Variants in CYB5A observed in about 807,000 individuals in gnomAD.
CYB5A encodes the protein cytochrome b5.
In CYB5A, 10 loss-of-function variants were observed where a neutral mutation model predicts 16.2. The ratio of observed to expected loss-of-function variants is 0.62; its 90% CI spans 0.38 to 1.04. The LOEUF (loss-of-function observed/expected upper bound fraction) is 1.04. Among genes scored for constraint, CYB5A ranks in the 50% least tolerant of loss-of-function variants. CYB5A has a pLI of 0.01. For synonymous variants in CYB5A, 62 were observed against 57.0 expected (o/e 1.09, Z -0.40); for missense variants, 161 against 165.9 (o/e 0.97, Z 0.16).
intron 1 of CYB5A, 131 bp from the exon 2 acceptor site, chr18:74,263,608 C>T (rs1464765071): frequency 8.8e-6 from 7 of 797,406 alleles, no homozygotes; most frequent in South Asian, 5.7e-5. Flanking sequence ...ACTAACTTGT[C>T]CATAAATGTG....
intron 1 of CYB5A, among the ~76,000 whole-genome samples, chr18:74,266,626 C>T (rs1982445146): frequency 6.6e-6 from 1 of 151,904 alleles, no homozygotes; most frequent in South Asian, 2.1e-4. Context: ...AACAGAAGTA[C>T]AACAGGGCAA....
At chr18:74,276,884 T>C (rs1982903662) in intron 1 of CYB5A, among the ~76,000 whole-genome samples, 1 of 152,178 alleles carries the variant, frequency 6.6e-6, no homozygotes, top group African/African-American at 2.4e-5. Flanking sequence ...AATTAATTAG[T>C]AGACTCCTTG....
Position 74,288,169 on chromosome 18 carries a change from C to T in CYB5A, c.129+3578G>A, listed in dbSNP as rs114191460. Among the ~76,000 whole-genome samples, 436 of 152,324 alleles carry T rather than the reference C, an allele frequency of 2.9e-3. 4 individuals are homozygous for T. Among genetic ancestry groups the T allele is most frequent in the African/African-American group, 9.7e-3 (403 of 41,570 alleles). ...TAAACAACAAAAACAGCTTTAGTGG[C>T]CATTATTTCAGGAGGTCGGAGCACA... On this transcript the variant is annotated intron_variant, in intron 1 of 4. Transcript: ENST00000340533.
chr18:74,270,491 G>GT (rs1292972962), intron 1 of CYB5A, among the ~76,000 whole-genome samples: 2 of 152,066 alleles, frequency 1.3e-5, no homozygotes. Flanking sequence ...CTTTACTGCT[G>GT]TATTTCCCTC....
At chr18:74,286,689 A>T (rs1475241074) in intron 1 of CYB5A, among the ~76,000 whole-genome samples, 1 of 152,212 alleles carries the variant, frequency 6.6e-6, no homozygotes, top group African/African-American at 2.4e-5. Flanking sequence ...TTTCCCATGA[A>T]TGCCCAGCGG....
intron 1 of CYB5A, among the ~76,000 whole-genome samples, chr18:74,271,756 T>A (rs1392856434): frequency 6.6e-6 from 1 of 152,306 alleles, no homozygotes; most frequent in East Asian, 1.9e-4. Context: ...GTAGTTACCT[T>A]GTGTGCAAAC....
chr18:74,272,809 C>T (rs1982721085), intron 1 of CYB5A, among the ~76,000 whole-genome samples: 1 of 150,610 alleles, frequency 6.6e-6, no homozygotes, highest in Non-Finnish European at 1.5e-5. Flanking sequence ...GTATCCTCAG[C>T]TACTTGGGAG....
chr18:74,263,621 T>C, intron 1 of CYB5A, 144 bp from the exon 2 acceptor site: 2 of 749,494 alleles, frequency 2.7e-6, no homozygotes, highest in Admixed American at 4.1e-5. Context: ...TAAATGTGGA[T>C]TAAAACAACA....
chr18:74,270,414 C>T (rs1410926404), intron 1 of CYB5A, among the ~76,000 whole-genome samples: 1 of 152,096 alleles, frequency 6.6e-6, no homozygotes, highest in African/African-American at 2.4e-5. Context: ...AGCAAGACCC[C>T]ATCATTCATT....
At position 74,282,414 on chromosome 18, in the gene CYB5A, G is replaced by GA. The variant is rs963192878; in HGVS notation, c.129+9332dup. ...TATGCACTGTGTATGGAAAAAGGGG[G>GA]AAAAAAATAAGATAGTCACAGAGCA... On this transcript the variant is annotated intron_variant, in intron 1 of 4. Coordinates refer to ENST00000340533, the MANE Select transcript of CYB5A (RefSeq NM_148923.4). Among the ~76,000 whole-genome samples, 11 of 151,996 alleles carry GA rather than the reference G, an allele frequency of 7.2e-5. 1 individual carries two copies. The South Asian group carries it at 2.1e-3, about 29-fold the overall frequency.
intron 1 of CYB5A, chr18:74,291,113 G>A (rs1010582507): frequency 2.3e-5 from 4 of 172,558 alleles, no homozygotes; most frequent in Admixed American, 1.7e-4. Context: ...GGGAAGCGCA[G>A]GCCCGGACCA....
At chr18:74,285,047 T>C (rs1983266605) in intron 1 of CYB5A, among the ~76,000 whole-genome samples, 1 of 152,142 alleles carries the variant, frequency 6.6e-6, no homozygotes, top group African/African-American at 2.4e-5. Flanking sequence ...CCAAGAAAAC[T>C]AGGTCCAAGG....
intron 4 of CYB5A, among the ~76,000 whole-genome samples, chr18:74,255,516 TGG>T (rs1981939380): frequency 6.6e-6 from 1 of 151,980 alleles, no homozygotes; most frequent in Non-Finnish European, 1.5e-5. Context: ...TTCCTTGGGG[TGG>T]ATGCAGCCAG....
chr18:74,256,727 A>G (rs911990334), intron 3 of CYB5A: 2 of 1,031,326 alleles, frequency 1.9e-6, no homozygotes, highest in Admixed American at 1.9e-5. Flanking sequence ...AGCGGCCTGC[A>G]GTAAGGCAAG....
intron 1 of CYB5A, among the ~76,000 whole-genome samples, chr18:74,268,607 G>A (rs1742525396): frequency 6.6e-6 from 1 of 152,152 alleles, no homozygotes; most frequent in Admixed American, 6.5e-5. Context: ...AGGGAAGGCT[G>A]TTCTCTGCAG....
Position 74,291,920 on chromosome 18 carries a change from G to T in CYB5A, c.-45C>A. 1 of 1,605,914 alleles carries T rather than the reference G, an allele frequency of 6.2e-7. No homozygotes were observed. Among genetic ancestry groups the T allele is most frequent in the Non-Finnish European group, 8.5e-7 (1 of 1,179,736 alleles). On this transcript the variant is annotated 5_prime_UTR_variant, in exon 1 of 5. Transcript: ENST00000340533. Reference sequence around the variant, plus strand: ...GGCCCAGCACACACAGCCCCGTCGGGTGGAGCAGAGCGCGCGACTCAGCCA... The same window carrying T: ...GGCCCAGCACACACAGCCCCGTCGGTTGGAGCAGAGCGCGCGACTCAGCCA...
intron 1 of CYB5A, among the ~76,000 whole-genome samples, chr18:74,279,703 A>G (rs1983018345): frequency 6.6e-6 from 1 of 152,158 alleles, no homozygotes; most frequent in Admixed American, 6.5e-5. Flanking sequence ...TTCATGTTTA[A>G]TCATAATAAA....
intron 1 of CYB5A, among the ~76,000 whole-genome samples, chr18:74,265,373 T>G (rs1173188941): frequency 6.6e-6 from 1 of 152,184 alleles, no homozygotes; most frequent in East Asian, 1.9e-4. Flanking sequence ...GGTTATCCTA[T>G]GCATTGTTTT....
intron 1 of CYB5A, among the ~76,000 whole-genome samples, chr18:74,267,634 G>C (rs575566817): frequency 6.6e-6 from 1 of 152,292 alleles, no homozygotes; most frequent in African/African-American, 2.4e-5. Flanking sequence ...AGGCAAGGCA[G>C]AAAGTAGTAG....
Sources: allele counts gnomAD v4.1 joint callset (sites outside exome capture counted in the v4.1 genomes callset), GRCh38; gene constraint gnomAD v4.1.1; transcripts MANE v1.5; gene names NCBI Gene and HGNC (gene_info 2026-07-23, HGNC 2026-07-21).